Variants in LRRC63 observed in about 807,000 individuals in gnomAD.
LRRC63 encodes the protein leucine rich repeat containing 63.
Under a neutral mutation model 49.5 loss-of-function variants are expected in LRRC63, and 40 were observed. That is an observed-to-expected ratio of 0.81 (90% CI 0.63 to 1.05). The LOEUF (loss-of-function observed/expected upper bound fraction) is 1.05, where lower values mean the gene tolerates loss of function less well. Among genes scored for constraint, LRRC63 ranks in the 50% least tolerant of loss-of-function variants. LRRC63 has a pLI of 0.00. For synonymous variants in LRRC63, 191 were observed against 221.1 expected, an observed-to-expected ratio of 0.86 and a Z score of 1.21; for missense variants, 636 against 663.1, an observed-to-expected ratio of 0.96 and a Z score of 0.45.
At chr13:46,251,460 T>C (rs1349800815) in intron 7 of LRRC63, among the ~76,000 whole-genome samples, 2 of 151,872 alleles carry the variant, frequency 1.3e-5, no homozygotes, top group Non-Finnish European at 2.9e-5. Context: ...TCCGGATTTT[T>C]CCACAGTACA....
intron 2 of LRRC63, among the ~76,000 whole-genome samples, chr13:46,221,082 G>A (rs1022825455): frequency 1.2e-4 from 18 of 152,172 alleles, no homozygotes; most frequent in Non-Finnish European, 2.4e-4. Context: ...TTTGTTGGTA[G>A]TAAGGTTTGT....
intron 9 of LRRC63, among the ~76,000 whole-genome samples, chr13:46,274,269 T>C (rs1414371698): frequency 6.6e-6 from 1 of 152,092 alleles, no homozygotes; most frequent in Admixed American, 6.5e-5. Context: ...TGACAAAGGG[T>C]TCAATCTCAT....
rs547581772 is a variant in LRRC63, at chr13:46,250,510, G to A, written c.1226+19G>A. The A allele has an allele frequency of 8.1e-5, 119 of 1,461,290 alleles. 1 individual carries two copies. The highest frequency in any genetic ancestry group is 3.1e-4 in the South Asian group (23 of 74,160). 90.5% of individuals were successfully genotyped at this position (1,461,290 alleles called of 1,614,324 possible). ...CAATTGGGTAAGGTTGATGGTCTGA[G>A]ATTATAAACACAGAAAATAATTCAT... On this transcript the variant is annotated intron_variant, in intron 7 of 9. Coordinates refer to ENST00000595396, the Ensembl canonical transcript of LRRC63.
At chr13:46,228,325 T>G in intron 3 of LRRC63, 136 bp downstream of exon 3, 1 of 691,770 alleles carries the variant, frequency 1.4e-6, no homozygotes, top group Non-Finnish European at 2.4e-6. Flanking sequence ...TATATACATG[T>G]AATACTTGAG....
rs752254828 is a variant in LRRC63 at position 46,227,843 on chromosome 13, T to C, written c.417T>C (p.Asp139=). The C allele has an allele frequency of 2.6e-6, 4 of 1,550,256 alleles. No homozygotes were observed. The African/African-American group carries it at 5.5e-5, about 21-fold the overall frequency. The stretch of plus-strand genomic sequence containing the variant: ...CAAGAAAGTTTAAAACTATGAAAGA[T>C]GTTTATACTGAAAAAAGGCTAGAAA... The change falls in exon 3 of 10, where the codon GAT becomes GAC. Residue 139 remains aspartate (D), a synonymous_variant. Transcript: ENST00000595396.
At chr13:46,225,591 G>A (rs2046548092) in intron 2 of LRRC63, among the ~76,000 whole-genome samples, 1 of 152,222 alleles carries the variant, frequency 6.6e-6, no homozygotes, top group Admixed American at 6.5e-5. Context: ...GTCTATTGAA[G>A]CGTTTGCTGT....
intron 4 of LRRC63, among the ~76,000 whole-genome samples, chr13:46,230,493 G>A (rs2046716899): frequency 6.6e-6 from 1 of 152,194 alleles, no homozygotes; most frequent in Non-Finnish European, 1.5e-5. Flanking sequence ...AGCCGACTGT[G>A]TAGCTTTCAG....
intron 4 of LRRC63, among the ~76,000 whole-genome samples, chr13:46,229,862 C>G (rs1426338039): frequency 2.0e-5 from 3 of 152,128 alleles, no homozygotes; most frequent in African/African-American, 7.2e-5. Context: ...AAGTATGGTG[C>G]TGGTATTTGC....
rs577565361 is a variant in LRRC63, at chr13:46,220,353, A to C, written c.86-7159A>C. ...CAGTCTGGCTACCACAGTTTTGCTGAGCTGCAGTGGGCTCCACCCAGTTTG... is the reference window on the plus strand; with the variant it reads ...CAGTCTGGCTACCACAGTTTTGCTGCGCTGCAGTGGGCTCCACCCAGTTTG... On this transcript the variant is annotated intron_variant, in intron 2 of 9. Coordinates refer to ENST00000595396, the Ensembl canonical transcript of LRRC63. Among the ~76,000 whole-genome samples the C allele has an allele frequency of 9.2e-5, 14 of 152,294 alleles. No homozygotes were observed. The East Asian group carries it at 2.7e-3, about 30-fold the overall frequency.
chr13:46,226,084 T>C (rs573265187), intron 2 of LRRC63, among the ~76,000 whole-genome samples: 1 of 152,142 alleles, frequency 6.6e-6, no homozygotes, highest in South Asian at 2.1e-4. Flanking sequence ...CCTGGGCTCA[T>C]GGTACCCTCC....
intron 7 of LRRC63, among the ~76,000 whole-genome samples, chr13:46,257,539 A>G (rs978292038): frequency 6.6e-6 from 1 of 152,184 alleles, no homozygotes; most frequent in Non-Finnish European, 1.5e-5. Flanking sequence ...TAAATTATAT[A>G]GTATGTGAGA....
chr13:46,266,972 G>T, exon 9 of LRRC63: 1 of 1,525,668 alleles, frequency 6.6e-7, no homozygotes, highest in South Asian at 1.3e-5. Context: ...TTACTAAAAT[G>T]GTGAGCAAAT....
chr13:46,229,383 C>A (rs79355715), intron 4 of LRRC63, among the ~76,000 whole-genome samples: 1 of 152,252 alleles, frequency 6.6e-6, no homozygotes, highest in African/African-American at 2.4e-5. Flanking sequence ...CCAATGTGGG[C>A]GTGACTTGAG....
intron 7 of LRRC63, 98 bp from the exon 8 acceptor site, chr13:46,261,811 T>A: frequency 5.3e-6 from 2 of 378,350 alleles, no homozygotes; most frequent in Non-Finnish European, 4.8e-6. Context: ...ATCTTAGAAA[T>A]CTGGTTTCTA....
intron 2 of LRRC63, among the ~76,000 whole-genome samples, chr13:46,218,657 G>A (rs1436797520): frequency 6.6e-6 from 1 of 152,088 alleles, no homozygotes; most frequent in South Asian, 2.1e-4. Context: ...ATGCTAGCTG[G>A]TTATTTTGCC....
At chr13:46,214,738 C>G (rs1012593093) in intron 2 of LRRC63, among the ~76,000 whole-genome samples, 14 of 151,800 alleles carry the variant, frequency 9.2e-5, no homozygotes, top group Non-Finnish European at 2.9e-5. Flanking sequence ...CACCTATTGA[C>G]CCATCCTCTA....
At chr13:46,240,221 G>A (rs2047021517) in intron 5 of LRRC63, among the ~76,000 whole-genome samples, 1 of 151,234 alleles carries the variant, frequency 6.6e-6, no homozygotes, top group Admixed American at 6.6e-5. Flanking sequence ...CTGTCTCCCA[G>A]GTTCACGTCA....
chr13:46,237,339 A>C (rs1005279320), intron 5 of LRRC63, among the ~76,000 whole-genome samples: 4 of 152,186 alleles, frequency 2.6e-5, no homozygotes, highest in Non-Finnish European at 5.9e-5. Context: ...AGAATATATA[A>C]CACAAGGTGT....
At chr13:46,258,647 A>T (rs2047563010) in intron 7 of LRRC63, among the ~76,000 whole-genome samples, 1 of 150,706 alleles carries the variant, frequency 6.6e-6, no homozygotes, top group Non-Finnish European at 1.5e-5. Context: ...ATCTCTACTA[A>T]AAATACAAAA....
Sources: gnomAD v4.1 joint callset for allele counts (sites outside exome capture counted in the v4.1 genomes callset) on GRCh38, gnomAD v4.1.1 for gene constraint, MANE v1.5 for transcripts, NCBI Gene and HGNC (gene_info 2026-07-23, HGNC 2026-07-21) for gene names.